Variants in JAKMIP3 observed in about 807,000 individuals in gnomAD.
The protein encoded by JAKMIP3 is janus kinase and microtubule-interacting protein 3.
Under a neutral mutation model 118.5 loss-of-function variants are expected in JAKMIP3, and 58 were observed. The ratio of observed to expected loss-of-function variants is 0.49; its 90% CI spans 0.40 to 0.61. The LOEUF is 0.61. Among genes scored for constraint, JAKMIP3 ranks in the 20% least tolerant of loss-of-function variants. The probability of loss-of-function intolerance (pLI) is 0.00; values close to 1 mark genes in which losing one functional copy is unlikely to be tolerated. For missense variants in JAKMIP3, 950 were observed against 1,109.0 expected (o/e 0.86, Z 2.04); for synonymous variants, 486 against 451.2 (o/e 1.08, Z -0.98).
rs371883044 is a variant in JAKMIP3 at position 132,104,949 on chromosome 10, C to T, written c.135+6C>T. ...TGCAGCAGGAGAAGAGCAAGGTGGG[C>T]GCTCCCCAGACCTCCACCCTTGAAT... On this transcript the variant is annotated splice_donor_region_variant and intron_variant, in intron 2 of 23. Coordinates refer to ENST00000684848, the MANE Select transcript of JAKMIP3 (RefSeq NM_001323087.2). 1.0e-4 allele frequency: 160 copies of T among 1,585,476 alleles called. No individual in the cohort carries two copies. In the Middle Eastern group the frequency reaches 1.3e-3, roughly 13 times the overall value.
intron 1 of JAKMIP3, among the ~76,000 whole-genome samples, chr10:132,058,832 G>A (rs1023346012): frequency 6.6e-5 from 10 of 152,320 alleles, no homozygotes; most frequent in Middle Eastern, 3.4e-3. Context: ...AAAGTACCCC[G>A]GTAATCCCAT....
At chr10:132,079,137 CCT>C (rs1481332600) in intron 1 of JAKMIP3, among the ~76,000 whole-genome samples, 13 of 80,060 alleles carry the variant, frequency 1.6e-4, no homozygotes, top group African/African-American at 8.7e-4. Context: ...AACGTGGGCA[CCT>C]GGCCTGGGAG....
chr10:132,156,002 C>A (rs536160330), intron 19 of JAKMIP3, among the ~76,000 whole-genome samples: 1 of 152,268 alleles, frequency 6.6e-6, no homozygotes, highest in East Asian at 1.9e-4. Flanking sequence ...GTCCTCTGGG[C>A]CTTGCATGCT....
intron 9 of JAKMIP3, among the ~76,000 whole-genome samples, chr10:132,139,439 C>T (rs377036934): frequency 0.025 from 2,359 of 95,990 alleles, 74 homozygotes; most frequent in African/African-American, 0.091. Context: ...TTTGTGTGTA[C>T]ATGTGAGTGT....
chr10:132,125,387 C>T (rs866114339), intron 3 of JAKMIP3, among the ~76,000 whole-genome samples: 2 of 152,282 alleles, frequency 1.3e-5, no homozygotes, highest in Admixed American at 6.5e-5. Flanking sequence ...AGCCCACAGA[C>T]GCGGGTCTCT....
At chr10:132,170,933 A>C (rs2059428460) in intron 23 of JAKMIP3, among the ~76,000 whole-genome samples, 1 of 152,216 alleles carries the variant, frequency 6.6e-6, no homozygotes, top group South Asian at 2.1e-4. Flanking sequence ...AATTGGCCCC[A>C]AGCGTCACGT....
chr10:132,096,012 T>A (rs1014173132), intron 1 of JAKMIP3, among the ~76,000 whole-genome samples: 2 of 152,060 alleles, frequency 1.3e-5, no homozygotes, highest in Non-Finnish European at 2.9e-5. Context: ...TCCAGCTCTC[T>A]TGGGAAGCAG....
At chr10:132,061,304 A>G (rs974359657), upstream of JAKMIP3, among the ~76,000 whole-genome samples, 2 of 152,164 alleles carry the variant, frequency 1.3e-5, no homozygotes, top group Non-Finnish European at 2.9e-5. Context: ...ACACACACAC[A>G]CGTTAGGCAC....
chr10:132,078,622 G>T (rs932808585), intron 1 of JAKMIP3, among the ~76,000 whole-genome samples: 1 of 43,756 alleles, frequency 2.3e-5, no homozygotes, highest in African/African-American at 2.5e-4. Flanking sequence ...CTGGGGGCGG[G>T]GGGGGGGGGG....
In JAKMIP3 at chr10:132,141,858, G is replaced by A. The variant is rs577381230; in HGVS notation, c.1474-62G>A. ...AGGGAAGCCCCGGGGCCCCGCCATC[G>A]GAGGAGGTGCTGGCTACTGACACTG... On this transcript the variant is annotated intron_variant, in intron 10 of 23. Transcript: ENST00000684848. The A allele has an allele frequency of 4.7e-5, 73 of 1,545,424 alleles. 1 individual carries two copies. The African/African-American group carries it at 6.3e-4, about 13-fold the overall frequency.
chr10:132,157,305 A>G (rs1019449512), intron 19 of JAKMIP3, among the ~76,000 whole-genome samples: 1 of 151,826 alleles, frequency 6.6e-6, no homozygotes, highest in Non-Finnish European at 1.5e-5. Context: ...CTTCCCTTTC[A>G]CCTGACTGTG....
At chr10:132,171,886 C>G (rs768066593) in intron 23 of JAKMIP3, among the ~76,000 whole-genome samples, 83 of 152,196 alleles carry the variant, frequency 5.5e-4, no homozygotes, top group Admixed American at 1.1e-3. Context: ...AAACTCCTGA[C>G]CTCGTGATCT....
Position 132,091,838 on chromosome 10 carries a change from C to T in JAKMIP3, c.-137-12834C>T, listed in dbSNP as rs536938772. Among the ~76,000 whole-genome samples, 4 of 152,204 alleles carry T rather than the reference C, an allele frequency of 2.6e-5. No homozygotes were observed. The South Asian group carries it at 6.2e-4, about 24-fold the overall frequency. ...TATGATGTTAGTTGGTTATTTTGCT[C>T]GTTAGTTGATGTAGTTTCTTCCTAG... On this transcript the variant is annotated intron_variant, in intron 1 of 23. Transcript: ENST00000684848.
chr10:132,085,495 T>TTC (rs1277711779), intron 1 of JAKMIP3, among the ~76,000 whole-genome samples: 32 of 143,430 alleles, frequency 2.2e-4, no homozygotes, highest in African/African-American at 7.5e-4. Flanking sequence ...TCTATCAATT[T>TTC]TCTCTCTCTT....
chr10:132,141,048 C>T (rs1431303017), intron 10 of JAKMIP3, among the ~76,000 whole-genome samples: 3 of 152,220 alleles, frequency 2.0e-5, no homozygotes, highest in Non-Finnish European at 4.4e-5. Flanking sequence ...CCAGCCCCTT[C>T]TTCCAGAAGG....
At chr10:132,104,287 C>T (rs972158649) in intron 1 of JAKMIP3, among the ~76,000 whole-genome samples, 9 of 152,188 alleles carry the variant, frequency 5.9e-5, no homozygotes, top group East Asian at 3.9e-4. Flanking sequence ...GTCCCTCTGC[C>T]GTCTGAGAGC....
At position 132,163,201 on chromosome 10, in the gene JAKMIP3, C is replaced by T. The variant is rs149386808; in HGVS notation, c.2221-8C>T. The T allele has an allele frequency of 5.2e-4, 810 of 1,551,748 alleles. 10 individuals carry two copies. The East Asian group carries it at 0.019, about 37-fold the overall frequency. On this transcript the variant is annotated splice_region_variant and splice_polypyrimidine_tract_variant and intron_variant, in intron 19 of 23. Coordinates refer to ENST00000684848, the MANE Select transcript of JAKMIP3 (RefSeq NM_001323087.2). ...GCAAGGACTAAGGCGTCTCCCCTTC[C>T]GCCCCAGCACATCCTGGAGCTGGAA...
At chr10:132,163,533 T>C in intron 20 of JAKMIP3, 121 bp downstream of exon 20, 1 of 832,992 alleles carries the variant, frequency 1.2e-6, no homozygotes, top group Non-Finnish European at 1.9e-6. Flanking sequence ...CACCCTCCAG[T>C]GGCCACACCC....
At chr10:132,146,792 C>T (rs2054705753) in intron 13 of JAKMIP3, among the ~76,000 whole-genome samples, 3 of 152,198 alleles carry the variant, frequency 2.0e-5, no homozygotes, top group African/African-American at 7.2e-5. Flanking sequence ...ACGACACCCC[C>T]ATGTTTCCCG....
Sources: allele counts gnomAD v4.1 joint callset (sites outside exome capture counted in the v4.1 genomes callset), GRCh38; gene constraint gnomAD v4.1.1; transcripts MANE v1.5; gene names NCBI Gene and HGNC (gene_info 2026-07-23, HGNC 2026-07-21).